CMIP: variants seen among roughly 807,000 people sequenced by gnomAD.
CMIP encodes C-Maf-inducing protein.
Under a neutral mutation model 97.3 loss-of-function variants are expected in CMIP, and 13 were observed. The observed-to-expected ratio is 0.13, with a 90% confidence interval of 0.09 to 0.21. CMIP has a LOEUF of 0.21. Among genes scored for constraint, CMIP ranks in the 10% least tolerant of loss-of-function variants. The pLI is 1.00. For missense variants in CMIP, 847 were observed against 1,024.9 expected (o/e 0.83, Z 2.37); for synonymous variants, 538 against 436.3 (o/e 1.23, Z -2.91).
chr16:81,617,985 C>T (rs2091943153), intron 2 of CMIP, among the ~76,000 whole-genome samples: 1 of 152,326 alleles, frequency 6.6e-6, no homozygotes, highest in East Asian at 1.9e-4. Context: ...CTTGGCCGTT[C>T]CGTCCAGCCG....
intron 1 of CMIP, among the ~76,000 whole-genome samples, chr16:81,541,592 A>G (rs570388874): frequency 6.6e-6 from 1 of 152,366 alleles, no homozygotes; most frequent in Admixed American, 6.5e-5. Flanking sequence ...TGAAGATTAC[A>G]TAAACTTATG....
intron 2 of CMIP, chr16:81,620,321 C>G (rs961471180): frequency 1.3e-5 from 2 of 152,948 alleles, no homozygotes; most frequent in African/African-American, 4.8e-5. Flanking sequence ...AATGCCCAGA[C>G]TTGGAAGCCA....
intron 1 of CMIP, among the ~76,000 whole-genome samples, chr16:81,601,379 T>C (rs1452473031): frequency 6.6e-6 from 1 of 152,006 alleles, no homozygotes; most frequent in Non-Finnish European, 1.5e-5. Context: ...AGGCTAGGTG[T>C]CTTCTGCCAG....
At chr16:81,615,624 GTGTA>G (rs1389026882) in intron 2 of CMIP, among the ~76,000 whole-genome samples, 1 of 149,690 alleles carries the variant, frequency 6.7e-6, no homozygotes, top group Non-Finnish European at 1.5e-5. Flanking sequence ...TGTGGTGTGT[GTGTA>G]TGTGTAACTG....
chr16:81,680,779 G>A lies in CMIP; in HGVS notation c.1388+2151G>A, dbSNP rs57094122. On this transcript the variant is annotated intron_variant, in intron 10 of 20. Transcript: ENST00000537098. The stretch of plus-strand genomic sequence containing the variant: ...GAGGGGGCTCCCTGCTCTGATGGAG[G>A]TAGAAGCCTCCAGGCCAGAGAGTGG... Among the ~76,000 whole-genome samples the A allele has an allele frequency of 5.4e-3, 829 of 152,324 alleles. 13 individuals carry two copies. The highest frequency in any genetic ancestry group is 0.019 in the African/African-American group (778 of 41,580).
chr16:81,668,882 GCCTTCCGTACCCACCTCACA>G (rs1376162624), intron 7 of CMIP, among the ~76,000 whole-genome samples: 765 of 64,606 alleles, frequency 0.012, no homozygotes, highest in East Asian at 0.024. Context: ...CACACTCATT[GCCTTCCGTACCCACCTCACA>G]CCTTCCACAC....
At chr16:81,642,820 C>T (rs537481453) in intron 3 of CMIP, among the ~76,000 whole-genome samples, 3 of 152,132 alleles carry the variant, frequency 2.0e-5, no homozygotes, top group South Asian at 4.1e-4. Flanking sequence ...CGCTTGAACC[C>T]GGGAGGCGGA....
chr16:81,493,606 C>T (rs574431882), intron 1 of CMIP, among the ~76,000 whole-genome samples: 10 of 152,354 alleles, frequency 6.6e-5, no homozygotes, highest in East Asian at 3.9e-4. Flanking sequence ...TTGAATCTTC[C>T]GGCAGTGTGG....
intron 3 of CMIP, among the ~76,000 whole-genome samples, chr16:81,646,258 G>C (rs1027393817): frequency 6.7e-6 from 1 of 150,324 alleles, no homozygotes; most frequent in Non-Finnish European, 1.5e-5. Flanking sequence ...GTGGATGGAT[G>C]GATGGATGGA....
At chr16:81,578,184 A>T (rs1211666633) in intron 1 of CMIP, among the ~76,000 whole-genome samples, 2 of 151,142 alleles carry the variant, frequency 1.3e-5, no homozygotes, top group African/African-American at 4.8e-5. Context: ...CCACTACATT[A>T]TTATCACTGT....
At chr16:81,671,333 G>A (rs1054907770) in intron 8 of CMIP, among the ~76,000 whole-genome samples, 2 of 152,156 alleles carry the variant, frequency 1.3e-5, no homozygotes, top group Admixed American at 6.5e-5. Flanking sequence ...CAGCAGCCTC[G>A]ATGACAGCTT....
intron 9 of CMIP, among the ~76,000 whole-genome samples, chr16:81,675,652 A>T (rs557172721): frequency 5.3e-5 from 8 of 152,314 alleles, no homozygotes; most frequent in Admixed American, 3.3e-4. Context: ...TCCACAAGTC[A>T]TTCTGCTGCA....
intron 1 of CMIP, among the ~76,000 whole-genome samples, chr16:81,479,969 G>A (rs532380669): frequency 5.9e-5 from 9 of 152,206 alleles, no homozygotes; most frequent in Admixed American, 3.9e-4. Flanking sequence ...GTCCACATAA[G>A]CATGTGTGGT....
chr16:81,711,234 C>CT lies in CMIP; in HGVS notation c.*1436dup, dbSNP rs1267619824. Reference sequence around the variant, plus strand: ...TTGGTTTAGCACAAATACTTCCCTCCTCCGGCACCTCCAAACCTACCCCAC... The same window carrying CT: ...TTGGTTTAGCACAAATACTTCCCTCCTTCCGGCACCTCCAAACCTACCCCAC... On this transcript the variant is annotated 3_prime_UTR_variant, in exon 21 of 21. Transcript: ENST00000537098. 6.6e-6 allele frequency: 1 copy of CT among 152,502 alleles called. No individual in the cohort carries two copies. Among genetic ancestry groups the CT allele is most frequent in the Non-Finnish European group, 1.5e-5 (1 of 68,046 alleles). 9.4% of individuals were successfully genotyped at this position (152,502 alleles called of 1,614,324 possible). A position where few individuals can be genotyped will look rare whatever the true frequency, so the allele number is the denominator to read the frequency against.
At chr16:81,597,594 G>A (rs78328477) in intron 1 of CMIP, among the ~76,000 whole-genome samples, 6 of 79,684 alleles carry the variant, frequency 7.5e-5, no homozygotes, top group East Asian at 6.7e-4. Flanking sequence ...CGAGGGGAGC[G>A]GGGGGGGGGG....
At chr16:81,644,497 C>G (rs1272763355) in intron 3 of CMIP, among the ~76,000 whole-genome samples, 1 of 152,108 alleles carries the variant, frequency 6.6e-6, no homozygotes, top group Admixed American at 6.5e-5. Flanking sequence ...GGGGGTAACA[C>G]CCATGGGACA....
At chr16:81,545,197 C>G (rs1407200224) in intron 1 of CMIP, among the ~76,000 whole-genome samples, 2 of 152,172 alleles carry the variant, frequency 1.3e-5, no homozygotes, top group African/African-American at 4.8e-5. Flanking sequence ...GGTGCCTTAG[C>G]TTCTTCCATC....
chr16:81,630,086 G>A (rs1484357810), intron 3 of CMIP: 1 of 152,240 alleles, frequency 6.6e-6, no homozygotes, highest in Non-Finnish European at 1.5e-5. Flanking sequence ...CCTGCTGGCT[G>A]TGTGACCCTG....
rs748652559 is a variant in CMIP, at chr16:81,709,843, A to G, written c.*44A>G. 4.4e-6 allele frequency: 7 copies of G among 1,608,356 alleles called. No individual in the cohort carries two copies. The highest frequency in any genetic ancestry group is 3.3e-5 in the South Asian group (3 of 90,624). On this transcript the variant is annotated 3_prime_UTR_variant, in exon 21 of 21. Transcript: ENST00000537098. The stretch of plus-strand genomic sequence containing the variant: ...GGAAGACGTTTGCAACCGCGACAAA[A>G]TAACTCTTGACTAACAGCCGCAGAG...
Sources: allele counts gnomAD v4.1 joint callset (sites outside exome capture counted in the v4.1 genomes callset), GRCh38; gene constraint gnomAD v4.1.1; transcripts MANE v1.5; gene names NCBI Gene and HGNC (gene_info 2026-07-23, HGNC 2026-07-21).